The following PKIA variants were observed in gnomAD, a reference collection of about 807,000 sequenced individuals.
The protein encoded by PKIA is cAMP-dependent protein kinase inhibitor alpha.
A neutral mutation model predicts 7.6 loss-of-function variants in PKIA; 4 were observed. The observed-to-expected ratio is 0.52, with a 90% CI of 0.26 to 1.20. PKIA has a LOEUF of 1.20. Ranked by LOEUF, PKIA falls within the 50% of genes most tolerant of loss-of-function variation. The pLI is 0.13. For synonymous variants in PKIA, 21 were observed against 30.7 expected (o/e 0.68, Z 1.04); for missense variants, 73 against 86.2 (o/e 0.85, Z 0.61).
chr8:78,565,950 T>A lies in PKIA; in HGVS notation c.-156-6861T>A, dbSNP rs939301031. ...AACCAACAGATCAGTTGCCTGCCTT[T>A]TGTGTTTGCCTTACACCAGTGTTCG... is the stretch of plus-strand genomic sequence containing the variant. On this transcript the variant is annotated intron_variant, in intron 1 of 3. Transcript: ENST00000396418. Among the ~76,000 whole-genome samples, 4 of 152,026 alleles carry A rather than the reference T, an allele frequency of 2.6e-5. No individual in the cohort carries two copies. The East Asian group carries it at 7.7e-4, about 29-fold the overall frequency.
intron 1 of PKIA, among the ~76,000 whole-genome samples, chr8:78,528,700 C>T (rs954498356): frequency 6.6e-5 from 10 of 150,554 alleles, no homozygotes; most frequent in African/African-American, 2.4e-4. Flanking sequence ...GGCATGGTGG[C>T]TCATGCCTGT....
intron 1 of PKIA, among the ~76,000 whole-genome samples, chr8:78,519,232 G>A (rs1340611269): frequency 1.3e-5 from 2 of 151,456 alleles, no homozygotes; most frequent in African/African-American, 4.9e-5. Context: ...GATATTTAGA[G>A]AGTAAAAATT....
chr8:78,523,931 AAT>A (rs1187783804), intron 1 of PKIA, among the ~76,000 whole-genome samples: 5 of 137,244 alleles, frequency 3.6e-5, no homozygotes, highest in African/African-American at 1.1e-4. Context: ...TATATATATA[AAT>A]ATATATAAAC....
intron 1 of PKIA, among the ~76,000 whole-genome samples, chr8:78,550,696 G>A (rs1806961329): frequency 6.6e-6 from 1 of 152,026 alleles, no homozygotes; most frequent in Non-Finnish European, 1.5e-5. Flanking sequence ...GGGAGAACAT[G>A]TGGTATTTGG....
At chr8:78,583,853 T>C (rs1200436387) in intron 2 of PKIA, among the ~76,000 whole-genome samples, 1 of 152,048 alleles carries the variant, frequency 6.6e-6, no homozygotes, top group African/African-American at 2.4e-5. Flanking sequence ...CTGCTCAAAG[T>C]CATCACCAAA....
rs369841032 is a variant in PKIA at position 78,550,195 on chromosome 8, G to A, written c.-156-22616G>A. On this transcript the variant is annotated intron_variant, in intron 1 of 3. Coordinates refer to ENST00000396418, the MANE Select transcript of PKIA (RefSeq NM_006823.4). ...ATGCTGTGAGCTAGTGAAAAATACT[G>A]GAGGATATTAGGGTAGAGTTTGTCA... 9.5e-4 allele frequency among the ~76,000 whole-genome samples: 145 copies of A among 152,160 alleles called. 2 individuals are homozygous for A. The highest frequency in any genetic ancestry group is 6.8e-3 in the Middle Eastern group (2 of 294).
At chr8:78,560,083 A>T (rs573797699) in intron 1 of PKIA, among the ~76,000 whole-genome samples, 1 of 152,318 alleles carries the variant, frequency 6.6e-6, no homozygotes, top group South Asian at 2.1e-4. Context: ...TTTGTTAAAA[A>T]TAGCTGGTAC....
At chr8:78,575,855 A>G (rs1161280809) in intron 2 of PKIA, among the ~76,000 whole-genome samples, 1 of 151,976 alleles carries the variant, frequency 6.6e-6, no homozygotes. Context: ...CCATAACAAA[A>G]TATCACAGAG....
At chr8:78,576,000 G>T (rs1231753613) in intron 2 of PKIA, among the ~76,000 whole-genome samples, 1 of 151,918 alleles carries the variant, frequency 6.6e-6, no homozygotes, top group African/African-American at 2.4e-5. Context: ...CTATGTCATC[G>T]CATGGCTTTT....
intron 1 of PKIA, among the ~76,000 whole-genome samples, chr8:78,521,411 A>C (rs1158049204): frequency 6.6e-6 from 1 of 152,076 alleles, no homozygotes; most frequent in East Asian, 1.9e-4. Flanking sequence ...AAATGCATTC[A>C]GATTCTCAGC....
At chr8:78,544,938 C>G (rs916284690) in intron 1 of PKIA, among the ~76,000 whole-genome samples, 1 of 151,776 alleles carries the variant, frequency 6.6e-6, no homozygotes, top group Non-Finnish European at 1.5e-5. Context: ...GTAATAGAGG[C>G]CTGATTAAAT....
chr8:78,586,635 C>G (rs896609709), intron 2 of PKIA, among the ~76,000 whole-genome samples: 1 of 152,076 alleles, frequency 6.6e-6, no homozygotes, highest in Non-Finnish European at 1.5e-5. Context: ...ATATTCAAAA[C>G]CCAGATACTG....
intron 2 of PKIA, among the ~76,000 whole-genome samples, chr8:78,587,668 TAAAAG>T (rs1347559763): frequency 6.6e-6 from 1 of 152,188 alleles, no homozygotes; most frequent in African/African-American, 2.4e-5. Context: ...ATAAAAAACT[TAAAAG>T]AGGAAGCCAT....
rs58547049 is a variant in PKIA, at chr8:78,536,859, T to TACACAC, written c.-157+20436_-157+20441dup. 6.3e-3 allele frequency among the ~76,000 whole-genome samples: 861 copies of TACACAC among 136,118 alleles called. 10 individuals are homozygous for TACACAC. Among genetic ancestry groups the TACACAC allele is most frequent in the East Asian group, 0.027 (119 of 4,390 alleles). The allele number at this position is 136,118 out of a possible 152,430, so 89.3% of individuals were successfully genotyped here. On this transcript the variant is annotated intron_variant, in intron 1 of 3. Transcript: ENST00000396418. ...AACTTATCTGGGTAGCTAGAAAACA[T>TACACAC]ACACACACACACACACACACACACA...
At chr8:78,532,595 G>T (rs1322213589) in intron 1 of PKIA, among the ~76,000 whole-genome samples, 5 of 151,828 alleles carry the variant, frequency 3.3e-5, no homozygotes, top group Non-Finnish European at 7.4e-5. Flanking sequence ...ATTGCATCGG[G>T]TCACTGTGTA....
Position 78,571,416 on chromosome 8 carries a change from A to G in PKIA, c.-156-1395A>G, listed in dbSNP as rs996910599. Among the ~76,000 whole-genome samples the G allele has an allele frequency of 5.9e-5, 9 of 152,258 alleles. No homozygotes were observed. The East Asian group carries it at 1.5e-3, about 26-fold the overall frequency. ...ACTCAGCATTTCAGTGCATACTGAT[A>G]GAATTGTGCTATCACCTGCAAATAC... On this transcript the variant is annotated intron_variant, in intron 1 of 3. Transcript: ENST00000396418.
chr8:78,591,180 G>T (rs577925818), intron 2 of PKIA: 1 of 152,660 alleles, frequency 6.6e-6, no homozygotes, highest in East Asian at 1.9e-4. Flanking sequence ...TCACCATTTG[G>T]CTCATGACTC....
At chr8:78,522,209 A>C (rs1809429559) in intron 1 of PKIA, among the ~76,000 whole-genome samples, 1 of 151,968 alleles carries the variant, frequency 6.6e-6, no homozygotes, top group African/African-American at 2.4e-5. Context: ...ATAGATGTCA[A>C]GTAATATACA....
At chr8:78,586,968 TTTGTTA>T (rs1807962823) in intron 2 of PKIA, among the ~76,000 whole-genome samples, 1 of 152,214 alleles carries the variant, frequency 6.6e-6, no homozygotes, top group Admixed American at 6.5e-5. Flanking sequence ...AATATTTGTT[TTTGTTA>T]TTGTTATTAT....
Sources: allele counts gnomAD v4.1 joint callset (sites outside exome capture counted in the v4.1 genomes callset), GRCh38; gene constraint gnomAD v4.1.1; transcripts MANE v1.5; gene names NCBI Gene and HGNC (gene_info 2026-07-23, HGNC 2026-07-21).